The following ERVW-1 variants were observed in gnomAD, a reference collection of about 807,000 sequenced individuals.
ERVW-1 encodes the protein syncytin-1.
Under a neutral mutation model 16.6 loss-of-function variants are expected in ERVW-1, and 21 were observed. The ratio of observed to expected loss-of-function variants is 1.26; its 90% CI spans 0.90 to 1.82. The LOEUF is 1.82. Ranked by LOEUF, ERVW-1 falls within the 40% of genes most tolerant of loss-of-function variation. ERVW-1 has a pLI of 0.00. For missense variants in ERVW-1, 412 were observed against 300.2 expected (o/e 1.37, Z -2.75); for synonymous variants, 161 against 109.8 (o/e 1.47, Z -2.92).
intron 1 of ERVW-1, chr7:92,471,177 G>A (rs1326115148): frequency 6.0e-6 from 1 of 166,964 alleles, no homozygotes; most frequent in African/African-American, 2.4e-5. Flanking sequence ...ACCCGTGAAA[G>A]TATCTACCCA....
intron 1 of ERVW-1, among the ~76,000 whole-genome samples, chr7:92,475,588 G>C (rs1249332251): frequency 1.3e-5 from 2 of 151,660 alleles, no homozygotes; most frequent in African/African-American, 4.9e-5. Flanking sequence ...TCCTTTCCAG[G>C]GTGCGTAACC....
chr7:92,477,239 C>G (rs986878817), intron 1 of ERVW-1, 143 bp downstream of exon 1: 2 of 152,314 alleles, frequency 1.3e-5, no homozygotes, highest in African/African-American at 4.8e-5. Context: ...GAAAGCCCTT[C>G]CCCAGATAGC....
chr7:92,477,856 G>T lies in ERVW-1; in HGVS notation c.-702C>A. ...CTCAGCTCGAGCCGTAAGAAACATGGACCAGAAGAGTGCAGTTGCAAGATT... is the reference window on the plus strand; with the variant it reads ...CTCAGCTCGAGCCGTAAGAAACATGTACCAGAAGAGTGCAGTTGCAAGATT... On this transcript the variant is annotated 5_prime_UTR_variant, in exon 1 of 2. Transcript: ENST00000603053. 1 of 159,152 alleles carries T rather than the reference G, an allele frequency of 6.3e-6. No individual in the cohort carries two copies. Among genetic ancestry groups the T allele is most frequent in the South Asian group, 1.7e-4 (1 of 5,738 alleles). The allele number at this position is 159,152 out of a possible 1,614,324, so 9.9% of individuals were successfully genotyped here.
rs1256364547 is a variant in ERVW-1 at position 92,468,825 on chromosome 7, A to C, written c.1557T>G (p.Pro519=). The C allele has an allele frequency of 7.9e-6, 6 of 763,990 alleles. No individual in the cohort carries two copies. The highest frequency in any genetic ancestry group is 1.4e-5 in the Non-Finnish European group (6 of 417,630). 47.3% of individuals were successfully genotyped at this position (763,990 alleles called of 1,614,324 possible). The change falls in exon 2 of 2, where the codon CCT becomes CCG. Residue 519 remains proline, a synonymous_variant. Transcript: ENST00000603053. Reference sequence around the variant, plus strand: ...GTTGTGCAGCTGAGATTTCCTCAGGAGGGGTGCCTTTGATGTCATTAACAT... The same window carrying C: ...GTTGTGCAGCTGAGATTTCCTCAGGCGGGGTGCCTTTGATGTCATTAACAT... The part of the protein sequence containing the change: ...RSDVNDIKGT[P]PEEISAAQPL...
At position 92,470,084 on chromosome 7, in the gene ERVW-1, G is replaced by A; in HGVS notation, c.298C>T (p.Leu100Phe). 1 of 778,174 alleles carries A rather than the reference G, an allele frequency of 1.3e-6. No individual in the cohort carries two copies. The highest frequency in any genetic ancestry group is 2.4e-6 in the Non-Finnish European group (1 of 417,838). The allele number at this position is 778,174 out of a possible 1,614,324, so 48.2% of individuals were successfully genotyped here. The change falls in exon 2 of 2, where the codon CTT (leucine) becomes TTT (phenylalanine). Residue 100 changes from leucine to phenylalanine, a missense_variant. Physicochemically the swap from Leu to Phe is conservative, Grantham distance 22 (BLOSUM62 0). Transcript: ENST00000603053. Reference protein sequence around the residue: ...KMINPSCPGGLGVTVCWTYFT... With the variant: ...KMINPSCPGGFGVTVCWTYFT... ...TAAGTCCAACAGACAGTGACTCCAA[G>A]TCCTCCAGGACAACTAGGATTAATC...
At chr7:92,471,037 T>C (rs1470456668) in intron 1 of ERVW-1, 2 of 167,096 alleles carry the variant, frequency 1.2e-5, no homozygotes, top group Non-Finnish European at 2.9e-5. Context: ...TGGGTTACTG[T>C]GGCCTGGAAA....
chr7:92,475,838 T>C (rs191409488), intron 1 of ERVW-1, among the ~76,000 whole-genome samples: 1 of 152,202 alleles, frequency 6.6e-6, no homozygotes, highest in Non-Finnish European at 1.5e-5. Context: ...CAAGTTCTTA[T>C]GCAAATGCAT....
At chr7:92,473,832 C>T (rs181383704) in intron 1 of ERVW-1, among the ~76,000 whole-genome samples, 3 of 152,104 alleles carry the variant, frequency 2.0e-5, no homozygotes, top group African/African-American at 7.2e-5. Context: ...CAAGCATACC[C>T]AGGGCTCTGT....
Position 92,469,145 on chromosome 7 carries a change from T to C in ERVW-1, c.1237A>G (p.Ile413Val). 1.4e-6 allele frequency: 1 copy of C among 704,290 alleles called. No homozygotes were observed. The highest frequency in any genetic ancestry group is 1.5e-5 in the South Asian group (1 of 68,584). 43.6% of individuals were successfully genotyped at this position (704,290 alleles called of 1,614,324 possible). A position where few individuals can be genotyped will look rare whatever the true frequency, so the allele number is the denominator to read the frequency against. Residue 413 changes from isoleucine to valine, a missense_variant, in exon 2 of 2, where the codon ATC (isoleucine) becomes GTC (valine). By Grantham distance (29) the Ile-to-Val change is conservative. Coordinates refer to ENST00000603053, the MANE Select transcript of ERVW-1 (RefSeq NM_001130925.2). ...ATTTCTTTAACTTTCTCAGTGACGATTCCGGATTGATTAACATAATAACAG... is the reference window on the plus strand; with the variant it reads ...ATTTCTTTAACTTTCTCAGTGACGACTCCGGATTGATTAACATAATAACAG... ...ECCYYVNQSGIVTEKVKEIRD... is the reference protein window; with the variant it reads ...ECCYYVNQSGVVTEKVKEIRD...
At chr7:92,476,300 C>G (rs990078390) in intron 1 of ERVW-1, among the ~76,000 whole-genome samples, 3 of 152,152 alleles carry the variant, frequency 2.0e-5, no homozygotes, top group Admixed American at 1.3e-4. Flanking sequence ...AATGAGGTTT[C>G]CTCTAAAAGT....
intron 1 of ERVW-1, 49 bp from the exon 2 acceptor site, chr7:92,470,657 A>G: frequency 3.1e-6 from 1 of 320,616 alleles, no homozygotes. Flanking sequence ...ACCATGTCAC[A>G]AGGGTGGAAT....
rs1205396920 is a variant in ERVW-1 at position 92,470,036 on chromosome 7, C to G, written c.346G>C (p.Asp116His). Residue 116 changes from aspartate (D) to histidine (H), a missense_variant, in exon 2 of 2, where the codon GAT becomes CAT. Asp to His is a moderately conservative substitution (Grantham distance 81, BLOSUM62 -1). Transcript: ENST00000603053. Reference protein sequence around the residue: ...WTYFTQTGMSDGGGVQDQARE... With the variant: ...WTYFTQTGMSHGGGVQDQARE... ...GCCTGATCTTGAACTCCACCCCCAT[C>G]AGACATACCAGTTTGGGTGAAGTAA... is the stretch of plus-strand genomic sequence containing the variant. The G allele has an allele frequency of 2.6e-6, 2 of 778,880 alleles. No homozygotes were observed. Among genetic ancestry groups the G allele is most frequent in the Non-Finnish European group, 4.8e-6 (2 of 417,942 alleles). 48.2% of individuals were successfully genotyped at this position (778,880 alleles called of 1,614,324 possible).
intron 1 of ERVW-1, among the ~76,000 whole-genome samples, chr7:92,474,234 T>C (rs1015732085): frequency 2.0e-5 from 3 of 152,318 alleles, no homozygotes; most frequent in Admixed American, 6.5e-5. Flanking sequence ...ATAGGGTTTC[T>C]AAGTTTTGCT....
Position 92,469,195 on chromosome 7 carries a change from G to T in ERVW-1, c.1187C>A (p.Thr396Asn). The T allele has an allele frequency of 1.4e-6, 1 of 736,796 alleles. No homozygotes were observed. Among genetic ancestry groups the T allele is most frequent in the South Asian group, 1.4e-5 (1 of 72,036 alleles). 45.6% of individuals were successfully genotyped at this position (736,796 alleles called of 1,614,324 possible). A position where few individuals can be genotyped will look rare whatever the true frequency, so the allele number is the denominator to read the frequency against. The change falls in exon 2 of 2, where the codon ACC becomes AAC. Residue 396 changes from threonine (T) to asparagine (N), a missense_variant. Thr to Asn is a moderately conservative substitution (Grantham distance 65, BLOSUM62 0). Coordinates refer to ENST00000603053, the MANE Select transcript of ERVW-1 (RefSeq NM_001130925.2). ...LDLLTAERGGTCLFLGEECCY... is the reference protein window; with the variant it reads ...LDLLTAERGGNCLFLGEECCY... The stretch of plus-strand genomic sequence containing the variant: ...GCATTCTTCCCCTAAAAATAAACAG[G>T]TTCCCCCTCTTTCAGCGGTTAGCAA...
Position 92,469,381 on chromosome 7 carries a change from C to A in ERVW-1, c.1001G>T (p.Gly334Val), listed in dbSNP as rs529817371. The A allele has an allele frequency of 2.2e-5, 17 of 769,754 alleles. No homozygotes were observed. Among genetic ancestry groups the A allele is most frequent in the Non-Finnish European group, 3.6e-5 (15 of 417,682 alleles). 47.7% of individuals were successfully genotyped at this position (769,754 alleles called of 1,614,324 possible). ...VIGAGVLGAL[G>V]TGIGGITTST... The stretch of plus-strand genomic sequence containing the variant: ...GGTTGTGATACCGCCAATGCCAGTA[C>A]CTAGTGCACCTAGCACTCCTGCTCC... Residue 334 changes from glycine (G) to valine (V), a missense_variant, in exon 2 of 2, where the codon GGT (glycine) becomes GTT (valine). Physicochemically the swap from Gly to Val is moderately radical, Grantham distance 109. Transcript: ENST00000603053.
intron 1 of ERVW-1, chr7:92,472,703 G>A (rs905744843): frequency 3.3e-5 from 5 of 152,174 alleles, no homozygotes; most frequent in Non-Finnish European, 7.3e-5. Flanking sequence ...AACCTATTAC[G>A]CCAAGGAATC....
At position 92,469,689 on chromosome 7, in the gene ERVW-1, A is replaced by G. The variant is rs1562829796; in HGVS notation, c.693T>C (p.His231=). 6.5e-6 allele frequency: 5 copies of G among 764,344 alleles called. No homozygotes were observed. The highest frequency in any genetic ancestry group is 7.2e-6 in the Non-Finnish European group (3 of 417,878). The allele number at this position is 764,344 out of a possible 1,614,324, so 47.3% of individuals were successfully genotyped here. ...GPLVSNLEIT[H]TSNLTCVKFS... is the part of the protein sequence containing the mutation. ...ATTTTACACAGGTGAGGTTTGAGGTATGGGTTATTTCCAGATTGGAAACAA... is the reference window on the plus strand; with the variant it reads ...ATTTTACACAGGTGAGGTTTGAGGTGTGGGTTATTTCCAGATTGGAAACAA... Residue 231 remains histidine, a synonymous_variant, in exon 2 of 2, where the codon CAT becomes CAC. Transcript: ENST00000603053.
At chr7:92,471,085 C>A (rs1199481219) in intron 1 of ERVW-1, 1 of 166,718 alleles carries the variant, frequency 6.0e-6, no homozygotes, top group African/African-American at 2.4e-5. Context: ...CGGGGAAGTC[C>A]GAATCTGGGA....
intron 1 of ERVW-1, among the ~76,000 whole-genome samples, chr7:92,474,412 CTTCCCTGTGT>C: frequency 6.6e-6 from 1 of 152,190 alleles, no homozygotes; most frequent in East Asian, 1.9e-4. Context: ...ATTTTCTTCC[CTTCCCTGTGT>C]TATGGTGGAC....
Sources: allele counts gnomAD v4.1 joint callset (sites outside exome capture counted in the v4.1 genomes callset), GRCh38; gene constraint gnomAD v4.1.1; transcripts MANE v1.5; gene names NCBI Gene and HGNC (gene_info 2026-07-23, HGNC 2026-07-21).